The following TMEM131 variants were observed in gnomAD, a reference collection of about 807,000 sequenced individuals.
TMEM131 encodes the protein transmembrane protein 131, also known as 2610524E03Rik.
In TMEM131, 66 loss-of-function variants were observed where a neutral mutation model predicts 211.6. That is an observed-to-expected ratio of 0.31 (90% CI 0.26 to 0.38). The LOEUF is 0.38. Among genes scored for constraint, TMEM131 ranks in the 10% least tolerant of loss-of-function variants. The pLI, the probability that TMEM131 is intolerant of heterozygous loss-of-function variation, is 1.00. For missense variants in TMEM131, 2,036 were observed against 2,299.3 expected (o/e 0.89, Z 2.34); for synonymous variants, 844 against 841.3 (o/e 1.00, Z -0.06).
rs757056716 is a variant in TMEM131 at position 97,990,316 on chromosome 2, G to GA, written c.187+5159dup. ...GTGATATGAAAGCTTGTGGCTGATT[G>GA]AAAAAAAAAAAAAGTACATTTTACT... On this transcript the variant is annotated intron_variant, in intron 1 of 40. Transcript: ENST00000186436. Among the ~76,000 whole-genome samples the GA allele has an allele frequency of 1.9e-3, 266 of 140,906 alleles. 1 individual carries two copies. The highest frequency in any genetic ancestry group is 0.018 in the East Asian group (87 of 4,946). 92.4% of individuals were successfully genotyped at this position (140,906 alleles called of 152,430 possible). A position where few individuals can be genotyped will look rare whatever the true frequency, so the allele number is the denominator to read the frequency against.
At position 97,841,956 on chromosome 2, in the gene TMEM131, A is replaced by C; in HGVS notation, c.601-19T>G. The C allele has an allele frequency of 6.7e-7, 1 of 1,502,220 alleles. No homozygotes were observed. The highest frequency in any genetic ancestry group is 8.9e-7 in the Non-Finnish European group (1 of 1,119,346). The allele number at this position is 1,502,220 out of a possible 1,614,324, so 93.1% of individuals were successfully genotyped here. Reference sequence around the variant, plus strand: ...CAAATACCTGTTTCAGTGGAGGAAAAAAATGCAATTTTAGTTGCTTTTATA... The same window carrying C: ...CAAATACCTGTTTCAGTGGAGGAAACAAATGCAATTTTAGTTGCTTTTATA... On this transcript the variant is annotated intron_variant, in intron 6 of 40. Coordinates refer to ENST00000186436, the MANE Select transcript of TMEM131 (RefSeq NM_015348.2).
At chr2:97,843,339 GT>G (rs1254056617) in intron 6 of TMEM131, among the ~76,000 whole-genome samples, 1 of 152,134 alleles carries the variant, frequency 6.6e-6, no homozygotes, top group African/African-American at 2.4e-5. Context: ...AAGAATCTTT[GT>G]TTTTCTTCAT....
intron 5 of TMEM131, among the ~76,000 whole-genome samples, chr2:97,858,643 C>T (rs560006171): frequency 4.6e-5 from 7 of 152,184 alleles, no homozygotes; most frequent in East Asian, 1.9e-4. Flanking sequence ...CAGAAGAGGA[C>T]ACCAGAGAGG....
At chr2:97,829,448 A>C (rs1217318038) in intron 11 of TMEM131, among the ~76,000 whole-genome samples, 1 of 152,084 alleles carries the variant, frequency 6.6e-6, no homozygotes, top group Non-Finnish European at 1.5e-5. Context: ...ACTCTGTAAA[A>C]ATGCACCAGT....
chr2:97,974,413 G>A (rs1462126879), intron 1 of TMEM131, among the ~76,000 whole-genome samples: 2 of 152,000 alleles, frequency 1.3e-5, no homozygotes, highest in Non-Finnish European at 2.9e-5. Context: ...AGGAGGAGGA[G>A]GAGGAGGACA....
At chr2:97,957,759 C>A (rs181469086) in intron 1 of TMEM131, among the ~76,000 whole-genome samples, 210 of 151,854 alleles carry the variant, frequency 1.4e-3, no homozygotes, top group Admixed American at 2.3e-3. Flanking sequence ...AGTATGTTGA[C>A]AAATAATGAA....
rs1675772652 is a variant in TMEM131 at position 97,899,795 on chromosome 2, A to G, written c.290+8863T>C. Among the ~76,000 whole-genome samples, 5 of 152,270 alleles carry G rather than the reference A, an allele frequency of 3.3e-5. No individual in the cohort carries two copies. The South Asian group carries it at 1.0e-3, about 32-fold the overall frequency. ...TGACAAGTGAAAACTGTATATATTT[A>G]TGATGTACAACATATTTTAAAATAT... On this transcript the variant is annotated intron_variant, in intron 3 of 40. Coordinates refer to ENST00000186436, the MANE Select transcript of TMEM131 (RefSeq NM_015348.2).
At chr2:97,873,404 G>A (rs58576615) in intron 4 of TMEM131, among the ~76,000 whole-genome samples, 3,300 of 151,882 alleles carry the variant, frequency 0.022, 128 homozygotes, top group African/African-American at 0.076. Flanking sequence ...TCTGCTGAAG[G>A]TCAGACTGCC....
At chr2:97,989,566 A>C (rs1680173463) in intron 1 of TMEM131, among the ~76,000 whole-genome samples, 1 of 152,208 alleles carries the variant, frequency 6.6e-6, no homozygotes, top group Non-Finnish European at 1.5e-5. Context: ...AATACACTTA[A>C]CACCACTGAA....
chr2:97,807,833 G>GAAGTC (rs3064073), intron 19 of TMEM131, among the ~76,000 whole-genome samples: 113,540 of 151,544 alleles, frequency 0.75, 44,178 homozygotes, highest in African/African-American at 0.87. Context: ...GATAAATAAC[G>GAAGTC]AAGAGTTTAG....
intron 32 of TMEM131, among the ~76,000 whole-genome samples, chr2:97,775,400 C>T (rs905592007): frequency 2.0e-5 from 3 of 152,212 alleles, no homozygotes; most frequent in Non-Finnish European, 2.9e-5. Context: ...GAGTAAGCGG[C>T]CACCAAAACC....
At chr2:97,787,343 A>C (rs896661790) in intron 31 of TMEM131, among the ~76,000 whole-genome samples, 2 of 152,212 alleles carry the variant, frequency 1.3e-5, no homozygotes, top group Non-Finnish European at 2.9e-5. Context: ...ATTTCAGGGA[A>C]GTTTCAATCA....
At chr2:97,974,419 G>A (rs991512164) in intron 1 of TMEM131, among the ~76,000 whole-genome samples, 1 of 151,646 alleles carries the variant, frequency 6.6e-6, no homozygotes, top group African/African-American at 2.4e-5. Context: ...AGGAGGAGGA[G>A]GACAGGAAAA....
intron 1 of TMEM131, among the ~76,000 whole-genome samples, chr2:97,982,486 T>G (rs1404365366): frequency 6.6e-6 from 1 of 152,202 alleles, no homozygotes; most frequent in Non-Finnish European, 1.5e-5. Context: ...TTTATAGGGC[T>G]TTTTAAAGCA....
Position 97,812,511 on chromosome 2 carries a change from T to C in TMEM131, c.1773A>G (p.Ile591Met). 3 of 1,612,520 alleles carry C rather than the reference T, an allele frequency of 1.9e-6. No homozygotes were observed. Among genetic ancestry groups the C allele is most frequent in the Non-Finnish European group, 2.5e-6 (3 of 1,179,412 alleles). ...SWHIIGDGLSIELVAVERGNR... is the reference protein window; with the variant it reads ...SWHIIGDGLSMELVAVERGNR... The stretch of plus-strand genomic sequence containing the variant: ...TGCCTCTTTCCACAGCTACAAGTTC[T>C]ATTGATAAACCGTCTCCTATGATAT... The change falls in exon 17 of 41, where the codon ATA becomes ATG. Residue 591 changes from isoleucine (I) to methionine (M), a missense_variant. Transcript: ENST00000186436.
chr2:97,931,709 G>C (rs1051515780), intron 1 of TMEM131, among the ~76,000 whole-genome samples: 4 of 152,160 alleles, frequency 2.6e-5, no homozygotes, highest in Non-Finnish European at 5.9e-5. Flanking sequence ...GGCTGGACTA[G>C]TCAAATCAGC....
chr2:97,893,734 GTTT>G (rs534822274), intron 3 of TMEM131, among the ~76,000 whole-genome samples: 2 of 150,992 alleles, frequency 1.3e-5, no homozygotes, highest in East Asian at 1.9e-4. Flanking sequence ...CTTTTTGATG[GTTT>G]TTTTTTCTTG....
At chr2:97,861,418 T>C (rs776661681) in intron 4 of TMEM131, among the ~76,000 whole-genome samples, 3 of 151,378 alleles carry the variant, frequency 2.0e-5, no homozygotes, top group African/African-American at 4.9e-5. Context: ...ACAAGGACTT[T>C]GTCTTGCATC....
At chr2:97,874,316 G>A (rs1674605468) in intron 4 of TMEM131, among the ~76,000 whole-genome samples, 2 of 152,334 alleles carry the variant, frequency 1.3e-5, no homozygotes, top group South Asian at 4.1e-4. Context: ...TATTATCCAG[G>A]AGAACTTCTC....
Sources: allele counts gnomAD v4.1 joint callset (sites outside exome capture counted in the v4.1 genomes callset), GRCh38; gene constraint gnomAD v4.1.1; transcripts MANE v1.5; gene names NCBI Gene and HGNC (gene_info 2026-07-23, HGNC 2026-07-21).